The following CDYL2 variants were observed in gnomAD, a reference collection of about 807,000 sequenced individuals.
CDYL2 encodes chromodomain Y like 2, also known as chromodomain Y-like protein 2.
A neutral mutation model predicts 49.4 loss-of-function variants in CDYL2; 23 were observed. The observed-to-expected ratio is 0.47, with a 90% CI of 0.34 to 0.66. CDYL2 has a LOEUF of 0.66. Among genes scored for constraint, CDYL2 ranks in the 30% least tolerant of loss-of-function variants. CDYL2 has a pLI of 0.01. For synonymous variants in CDYL2, 360 were observed against 268.8 expected, an observed-to-expected ratio of 1.34 and a Z score of -3.32; for missense variants, 678 against 656.4, an observed-to-expected ratio of 1.03 and a Z score of -0.36.
At chr16:80,774,911 A>G (rs1054751432) in intron 1 of CDYL2, among the ~76,000 whole-genome samples, 1 of 151,882 alleles carries the variant, frequency 6.6e-6, no homozygotes, top group Non-Finnish European at 1.5e-5. Context: ...ATTAAAAAAA[A>G]AAATGCCTTA....
intron 1 of CDYL2, among the ~76,000 whole-genome samples, chr16:80,728,951 G>A (rs1377267993): frequency 1.3e-5 from 2 of 151,530 alleles, no homozygotes; most frequent in South Asian, 2.1e-4. Flanking sequence ...CCTGAAGGAA[G>A]CGCTAAACAT....
At chr16:80,793,509 G>A (rs1907674162) in intron 1 of CDYL2, among the ~76,000 whole-genome samples, 1 of 152,200 alleles carries the variant, frequency 6.6e-6, no homozygotes, top group Admixed American at 6.5e-5. Context: ...TTCATTGCAG[G>A]AAGGCTAAGG....
At chr16:80,714,993 G>C (rs571559142) in intron 1 of CDYL2, among the ~76,000 whole-genome samples, 6 of 152,132 alleles carry the variant, frequency 3.9e-5, no homozygotes, top group Non-Finnish European at 7.4e-5. Context: ...CTAAGGATCA[G>C]AGACAGAATC....
intron 1 of CDYL2, among the ~76,000 whole-genome samples, chr16:80,772,407 C>T (rs368769779): frequency 6.6e-6 from 1 of 152,172 alleles, no homozygotes; most frequent in Non-Finnish European, 1.5e-5. Flanking sequence ...AAACTGGATT[C>T]AAGATGTCTA....
chr16:80,713,612 T>G (rs916069598), intron 1 of CDYL2, among the ~76,000 whole-genome samples: 8 of 152,160 alleles, frequency 5.3e-5, no homozygotes, highest in African/African-American at 1.9e-4. Flanking sequence ...TTTGCACAGA[T>G]GAACACATTA....
intron 2 of CDYL2, among the ~76,000 whole-genome samples, chr16:80,650,148 C>A (rs1021835832): frequency 1.3e-5 from 2 of 152,050 alleles, no homozygotes; most frequent in Admixed American, 6.6e-5. Flanking sequence ...AGCTTCCACA[C>A]AGCAAAGGAA....
At chr16:80,785,807 C>T (rs893385443) in intron 1 of CDYL2, among the ~76,000 whole-genome samples, 3 of 152,096 alleles carry the variant, frequency 2.0e-5, no homozygotes, top group African/African-American at 7.2e-5. Context: ...GAAATAACAC[C>T]ACACATCTAC....
intron 2 of CDYL2, among the ~76,000 whole-genome samples, chr16:80,654,768 G>A (rs1404168337): frequency 6.6e-6 from 1 of 152,226 alleles, no homozygotes; most frequent in African/African-American, 2.4e-5. Flanking sequence ...CTTCTGTGAA[G>A]CCCCAGTTTT....
chr16:80,759,414 G>T (rs535121807), intron 1 of CDYL2, among the ~76,000 whole-genome samples: 2 of 151,782 alleles, frequency 1.3e-5, no homozygotes, highest in African/African-American at 4.8e-5. Flanking sequence ...TTTGTCAAGC[G>T]CTTCAATACG....
At position 80,721,579 on chromosome 16, in the gene CDYL2, G is replaced by C. The variant is rs955938244; in HGVS notation, c.25-36450C>G. ...CATCCTTTGCAAAGCCAAGCTGCTG[G>C]TGACCACTTTCTTCTAAGCAGGTTT... is the stretch of plus-strand genomic sequence containing the variant. On this transcript the variant is annotated intron_variant, in intron 1 of 6. Transcript: ENST00000570137. 4.6e-5 allele frequency among the ~76,000 whole-genome samples: 7 copies of C among 152,282 alleles called. No individual in the cohort carries two copies. The South Asian group carries it at 1.0e-3, about 23-fold the overall frequency.
intron 2 of CDYL2, among the ~76,000 whole-genome samples, chr16:80,675,484 C>G (rs1909705481): frequency 6.6e-6 from 1 of 152,174 alleles, no homozygotes; most frequent in African/African-American, 2.4e-5. Context: ...GCTACTATTG[C>G]TACCATCACC....
At chr16:80,654,674 G>A (rs970011414) in intron 2 of CDYL2, among the ~76,000 whole-genome samples, 2 of 152,224 alleles carry the variant, frequency 1.3e-5, no homozygotes, top group South Asian at 4.1e-4. Flanking sequence ...ACCAGAAAAC[G>A]CTCCACCAAA....
At chr16:80,634,951 AG>A (rs1907749107) in intron 2 of CDYL2, among the ~76,000 whole-genome samples, 1 of 152,256 alleles carries the variant, frequency 6.6e-6, no homozygotes, top group Non-Finnish European at 1.5e-5. Context: ...ACAGGTTCAG[AG>A]GAACACTTCC....
At chr16:80,642,171 G>T (rs1908124273) in intron 2 of CDYL2, among the ~76,000 whole-genome samples, 1 of 152,170 alleles carries the variant, frequency 6.6e-6, no homozygotes, top group South Asian at 2.1e-4. Flanking sequence ...CGCCGGGTGT[G>T]GTGGCTCACG....
chr16:80,608,622 G>C (rs542538115), intron 5 of CDYL2, among the ~76,000 whole-genome samples: 131 of 152,278 alleles, frequency 8.6e-4, no homozygotes, highest in African/African-American at 2.9e-3. Flanking sequence ...GGGAGAAAGA[G>C]ATGCTCCCTT....
At position 80,804,250 on chromosome 16, in the gene CDYL2, GGTGTGCGCGTGTGT is replaced by G; in HGVS notation, c.-91_-78del. 7.0e-6 allele frequency: 9 copies of G among 1,280,098 alleles called. No homozygotes were observed. In the South Asian group the frequency reaches 8.8e-5, roughly 13 times the overall value. The allele number at this position is 1,280,098 out of a possible 1,614,324, so 79.3% of individuals were successfully genotyped here. On this transcript the variant is annotated 5_prime_UTR_variant, in exon 1 of 7. Transcript: ENST00000570137. ...CTCCGTGCGTGTGCGCGCGGGGTCC[GGTGTGCGCGTGTGT>G]GTGCGCGCGTGTGTGTGCGAGTGTG...
At chr16:80,683,939 T>G (rs148907392) in intron 2 of CDYL2, among the ~76,000 whole-genome samples, 1 of 152,348 alleles carries the variant, frequency 6.6e-6, no homozygotes, top group Non-Finnish European at 1.5e-5. Context: ...AGGTGTTTTG[T>G]GACAGCAGCC....
chr16:80,678,588 C>T (rs1415922534), intron 2 of CDYL2, among the ~76,000 whole-genome samples: 2 of 150,874 alleles, frequency 1.3e-5, no homozygotes, highest in Non-Finnish European at 3.0e-5. Context: ...GTTAGAATGG[C>T]AATCATTAAA....
At chr16:80,692,495 C>T (rs570059926) in intron 1 of CDYL2, among the ~76,000 whole-genome samples, 1 of 152,224 alleles carries the variant, frequency 6.6e-6, no homozygotes, top group South Asian at 2.1e-4. Context: ...CTTCAGAGAA[C>T]AATTTTAAAC....
Sources: gnomAD v4.1 joint callset for allele counts (sites outside exome capture counted in the v4.1 genomes callset) on GRCh38, gnomAD v4.1.1 for gene constraint, MANE v1.5 for transcripts, NCBI Gene and HGNC (gene_info 2026-07-23, HGNC 2026-07-21) for gene names.